The following AKR1B1 variants were observed in gnomAD, a reference collection of about 807,000 sequenced individuals.
AKR1B1 encodes aldo-keto reductase family 1 member B.
In AKR1B1, 22 loss-of-function variants were observed where a neutral mutation model predicts 40.4. That is an observed-to-expected ratio of 0.54 (90% CI 0.39 to 0.78). The LOEUF is 0.78. Among genes scored for constraint, AKR1B1 ranks in the 30% least tolerant of loss-of-function variants. The probability of loss-of-function intolerance (pLI) is 0.00; values close to 1 mark genes in which losing one functional copy is unlikely to be tolerated. For synonymous variants in AKR1B1, 157 were observed against 149.9 expected, an observed-to-expected ratio of 1.05 and a Z score of -0.35; for missense variants, 357 against 396.7, an observed-to-expected ratio of 0.90 and a Z score of 0.85.
rs5062 is a variant in AKR1B1, at chr7:134,445,283, G to A, written c.863C>T (p.Thr288Ile). 6.0e-5 allele frequency: 97 copies of A among 1,613,180 alleles called. No homozygotes were observed. The African/African-American group carries it at 7.2e-4, about 12-fold the overall frequency. ...DFELSSQDMTTLLSYNRNWRV... is the reference protein window; with the variant it reads ...DFELSSQDMTILLSYNRNWRV... ...CCAGTTCCTGTTGTAGCTGAGTAAG[G>A]TGGTCATATCCTGGCTGCTCAGTTC... Residue 288 changes from threonine to isoleucine, a missense_variant, in exon 9 of 10, where the codon ACC becomes ATC. Physicochemically the swap from Thr to Ile is moderately conservative, Grantham distance 89. Transcript: ENST00000285930.
chr7:134,458,763 A>G (rs1806573440), intron 1 of AKR1B1, among the ~76,000 whole-genome samples: 2 of 151,462 alleles, frequency 1.3e-5, no homozygotes, highest in South Asian at 4.2e-4. Flanking sequence ...CTGCTCCCAA[A>G]CCCCACTCGC....
chr7:134,449,213 AC>A, intron 4 of AKR1B1, 94 bp from the exon 5 acceptor site: 1 of 1,536,416 alleles, frequency 6.5e-7, no homozygotes. Flanking sequence ...TCCTGCCCTC[AC>A]TCTTCAGTGC....
At chr7:134,448,584 AC>A in intron 5 of AKR1B1, 91 bp from the exon 6 acceptor site, 1 of 955,194 alleles carries the variant, frequency 1.0e-6, no homozygotes, top group Non-Finnish European at 1.7e-6. Context: ...GTCCCTCCCT[AC>A]CCCATACAGA....
chr7:134,454,169 A>G (rs1216496441), intron 1 of AKR1B1, among the ~76,000 whole-genome samples: 1 of 152,220 alleles, frequency 6.6e-6, no homozygotes, highest in African/African-American at 2.4e-5. Context: ...TCCTGCCACT[A>G]ATCTGTGTGC....
chr7:134,443,687 A>G (rs1806010684), intron 9 of AKR1B1, among the ~76,000 whole-genome samples: 2 of 151,938 alleles, frequency 1.3e-5, no homozygotes, highest in Admixed American at 1.3e-4. Context: ...TAAAGGCAGG[A>G]ACACTGGACA....
chr7:134,445,711 C>A (rs564568090), intron 8 of AKR1B1, among the ~76,000 whole-genome samples: 1 of 152,196 alleles, frequency 6.6e-6, no homozygotes, highest in Non-Finnish European at 1.5e-5. Context: ...TAATCACACA[C>A]TGTATAAGAC....
chr7:134,448,428 C>T lies in AKR1B1; in HGVS notation c.618G>A (p.Val206=), dbSNP rs1562907009. The T allele has an allele frequency of 1.2e-6, 2 of 1,613,818 alleles. No homozygotes were observed. The highest frequency in any genetic ancestry group is 2.7e-5 in the African/African-American group (2 of 74,896). ...AGCCGAGGGGGCTGTAGGCGGTCAC[C>T]ACGATGCCTTTGGACTGGCAGTACT... is the stretch of plus-strand genomic sequence containing the variant. The part of the protein sequence containing the change: ...LIQYCQSKGI[V]VTAYSPLGSP... Residue 206 remains valine, a synonymous_variant, in exon 6 of 10, where the codon GTG becomes GTA. Transcript: ENST00000285930.
At chr7:134,445,427 T>C (rs141325972) in intron 8 of AKR1B1, 107 bp from the exon 9 acceptor site, 9 of 898,084 alleles carry the variant, frequency 1.0e-5, no homozygotes, top group Middle Eastern at 2.1e-4. Context: ...AGAGGAGCGA[T>C]AAGATAAACT....
chr7:134,458,880 C>T, intron 1 of AKR1B1, 117 bp downstream of exon 1: 1 of 1,247,498 alleles, frequency 8.0e-7, no homozygotes, highest in Non-Finnish European at 1.1e-6. Context: ...GCGTGGCTCC[C>T]AGCACGCCGG....
chr7:134,450,966 A>G (rs2117457244), intron 2 of AKR1B1, 64 bp from the exon 3 acceptor site: 2 of 1,369,426 alleles, frequency 1.5e-6, no homozygotes, highest in East Asian at 2.3e-5. Flanking sequence ...GGCTGGAAAG[A>G]CAGAGCAGTC....
chr7:134,455,273 A>C (rs1437002889), intron 1 of AKR1B1, among the ~76,000 whole-genome samples: 1 of 152,220 alleles, frequency 6.6e-6, no homozygotes, highest in Non-Finnish European at 1.5e-5. Flanking sequence ...ACTGGCCATA[A>C]GCAGAAGTAC....
chr7:134,446,300 A>G (rs919736850), intron 8 of AKR1B1, among the ~76,000 whole-genome samples: 1 of 152,212 alleles, frequency 6.6e-6, no homozygotes, highest in South Asian at 2.1e-4. Context: ...CTCCTCTCCT[A>G]AACAATGAGC....
intron 7 of AKR1B1, 187 bp from the exon 8 acceptor site, chr7:134,447,568 C>T: frequency 8.9e-6 from 6 of 673,586 alleles, no homozygotes; most frequent in South Asian, 6.7e-5. Flanking sequence ...GATCTGACTC[C>T]AGAGTCCTGC....
At chr7:134,452,711 T>C (rs895342331) in intron 1 of AKR1B1, among the ~76,000 whole-genome samples, 3 of 152,172 alleles carry the variant, frequency 2.0e-5, no homozygotes, top group Non-Finnish European at 2.9e-5. Flanking sequence ...GCACATTCCT[T>C]TGGAGAGCTG....
chr7:134,442,809 G>A, intron 9 of AKR1B1, 39 bp from the exon 10 acceptor site: 2 of 1,603,296 alleles, frequency 1.2e-6, no homozygotes, highest in Non-Finnish European at 1.7e-6. Flanking sequence ...TTTTTGAAGA[G>A]GTGATTTTGA....
chr7:134,455,763 T>TA (rs35431624), intron 1 of AKR1B1, among the ~76,000 whole-genome samples: 21,888 of 152,078 alleles, frequency 0.14, 3,514 homozygotes, highest in African/African-American at 0.4. Flanking sequence ...TTTGTATTTT[T>TA]AGTAGAGAGG....
In AKR1B1 at chr7:134,450,799, G is replaced by A. The variant is rs768419303; in HGVS notation, c.338C>T (p.Pro113Leu). Residue 113 changes from proline (P) to leucine (L), a missense_variant, in exon 3 of 10, where the codon CCG (proline) becomes CTG (leucine). Transcript: ENST00000285930. ...GGCATCCCATACCTTAAAGCCAGTC[G>A]GCCAGTGAATAAGGTAGAGGTCCAG... ...DYLDLYLIHWPTGFKPGKEFF... is the reference protein window; with the variant it reads ...DYLDLYLIHWLTGFKPGKEFF... The A allele has an allele frequency of 2.4e-5, 39 of 1,613,676 alleles. No homozygotes were observed. In the Middle Eastern group the frequency reaches 5.1e-4, roughly 21 times the overall value.
At chr7:134,444,437 C>CA (rs1806036356) in intron 9 of AKR1B1, among the ~76,000 whole-genome samples, 1 of 152,162 alleles carries the variant, frequency 6.6e-6, no homozygotes, top group Non-Finnish European at 1.5e-5. Context: ...ATGGGACAGA[C>CA]GCTGGAAAGG....
chr7:134,445,383 G>C, intron 8 of AKR1B1, 63 bp from the exon 9 acceptor site: 2 of 1,370,738 alleles, frequency 1.5e-6, no homozygotes, highest in Non-Finnish European at 2.0e-6. Context: ...AAAATACTGT[G>C]CAGGACCCAG....
Sources: gnomAD v4.1 joint callset for allele counts (sites outside exome capture counted in the v4.1 genomes callset) on GRCh38, gnomAD v4.1.1 for gene constraint, MANE v1.5 for transcripts, NCBI Gene and HGNC (gene_info 2026-07-23, HGNC 2026-07-21) for gene names.